The following OR1E1 variants were observed in gnomAD, a reference collection of about 807,000 sequenced individuals.
The protein encoded by OR1E1 is olfactory receptor family 1 subfamily E member 1, also known as olfactory receptor 1E1.
For missense variants in OR1E1, 330 were observed against 381.0 expected (o/e 0.87, Z 1.11); for synonymous variants, 125 against 153.1 (o/e 0.82, Z 1.36).
Position 3,397,627 on chromosome 17 carries a change from A to G in OR1E1, c.784T>C (p.Ser262Pro), listed in dbSNP as rs379856. 3.3e-5 allele frequency: 54 copies of G among 1,613,842 alleles called. No individual in the cohort carries two copies. The highest frequency in any genetic ancestry group is 1.6e-4 in the Middle Eastern group (1 of 6,082). Residue 262 changes from serine to proline, a missense_variant, in exon 1 of 1, where the codon TCA (serine) becomes CCA (proline). Physicochemically the swap from Ser to Pro is moderately conservative, Grantham distance 74. Coordinates refer to ENST00000322608, the MANE Select transcript of OR1E1 (RefSeq NM_003553.3). ...TTTAGAGTAGAACTATTAGCTGATG[A>G]GCATAAGTAGAGACCAATAACGGTT... is the stretch of plus-strand genomic sequence containing the variant. ...YGTVIGLYLC[S>P]SANSSTLKDT...
Position 3,397,783 on chromosome 17 carries a change from G to A in OR1E1, c.628C>T (p.Pro210Ser). ...TAGGACCCAAGGATGAGTAGGAATG[G>A]GATGACAAGAATGAGCCCTCCCATG... ...FIMGGLILVI[P>S]FLLILGSYAR... The change falls in exon 1 of 1, where the codon CCA becomes TCA. Residue 210 changes from proline (P) to serine (S), a missense_variant. Pro to Ser is a moderately conservative substitution (Grantham distance 74). Transcript: ENST00000322608. 2 of 1,613,964 alleles carry A rather than the reference G, an allele frequency of 1.2e-6. No individual in the cohort carries two copies. The highest frequency in any genetic ancestry group is 1.1e-5 in the South Asian group (1 of 91,056).
At position 3,397,543 on chromosome 17, in the gene OR1E1, A is replaced by G; in HGVS notation, c.868T>C (p.Tyr290His). Residue 290 changes from tyrosine to histidine, a missense_variant, in exon 1 of 1, where the codon TAC (tyrosine) becomes CAC (histidine). Tyr to His is a moderately conservative substitution (Grantham distance 83, BLOSUM62 2). Coordinates refer to ENST00000322608, the MANE Select transcript of OR1E1 (RefSeq NM_003553.3). ...VVTPMLNPFI[Y>H]SLRNRDMKGA... ...TTCATGTCTCTGTTCCTCAGGCTGT[A>G]GATGAAGGGGTTCAGCATGGGGGTC... 6.2e-7 allele frequency: 1 copy of G among 1,614,192 alleles called. No homozygotes were observed. The highest frequency in any genetic ancestry group is 8.5e-7 in the Non-Finnish European group (1 of 1,180,026).
rs2049851761 is a variant in OR1E1, at chr17:3,397,440, CTA to C, written c.*24_*25del. On this transcript the variant is annotated 3_prime_UTR_variant, in exon 1 of 1. Coordinates refer to ENST00000322608, the MANE Select transcript of OR1E1 (RefSeq NM_003553.3). ...TAATATCAATATTTTACTGGATAAA[CTA>C]TGTAATAGCTCCAAGTGTTATCATC... 1 of 1,486,036 alleles carries C rather than the reference CTA, an allele frequency of 6.7e-7. No individual in the cohort carries two copies. The highest frequency in any genetic ancestry group is 1.2e-5 in the South Asian group (1 of 84,854). The allele number at this position is 1,486,036 out of a possible 1,614,324, so 92.1% of individuals were successfully genotyped here.
Position 3,398,302 on chromosome 17 carries a change from T to C in OR1E1, c.109A>G (p.Thr37Ala). ...CYALFLAMYL[T>A]TLLGNLLIIV... Reference sequence around the variant, plus strand: ...ATGAGGAGGTTCCCCAGGAGGGTGGTAAGATACATGGCCAAGAACAGGGCA... The same window carrying C: ...ATGAGGAGGTTCCCCAGGAGGGTGGCAAGATACATGGCCAAGAACAGGGCA... Residue 37 changes from threonine to alanine, a missense_variant, in exon 1 of 1, where the codon ACC (threonine) becomes GCC (alanine). Coordinates refer to ENST00000322608, the MANE Select transcript of OR1E1 (RefSeq NM_003553.3). 6.2e-7 allele frequency: 1 copy of C among 1,614,142 alleles called. No homozygotes were observed. The highest frequency in any genetic ancestry group is 8.5e-7 in the Non-Finnish European group (1 of 1,180,024).
Position 3,397,985 on chromosome 17 carries a change from G to T in OR1E1, c.426C>A (p.Leu142=), listed in dbSNP as rs144699002. 3 of 1,614,264 alleles carry T rather than the reference G, an allele frequency of 1.9e-6. No homozygotes were observed. The highest frequency in any genetic ancestry group is 1.1e-5 in the South Asian group (1 of 91,086). ...GCACCCAGGACAGCGCCACCAGGGC[G>T]AGACAGAGCATGGGGCTCATGATGG... ...YTAIMSPMLC[L]ALVALSWVLT... The change falls in exon 1 of 1, where the codon CTC becomes CTA. Residue 142 remains leucine (L), a synonymous_variant. Transcript: ENST00000322608.
chr17:3,398,298 G>A lies in OR1E1; in HGVS notation c.113C>T (p.Thr38Ile), dbSNP rs1419933813. The change falls in exon 1 of 1, where the codon ACC becomes ATC. Residue 38 changes from threonine to isoleucine, a missense_variant. Transcript: ENST00000322608. Reference protein sequence around the residue: ...YALFLAMYLTTLLGNLLIIVL... With the variant: ...YALFLAMYLTILLGNLLIIVL... ...AATGATGAGGAGGTTCCCCAGGAGG[G>A]TGGTAAGATACATGGCCAAGAACAG... 1 of 1,614,172 alleles carries A rather than the reference G, an allele frequency of 6.2e-7. No individual in the cohort carries two copies. The highest frequency in any genetic ancestry group is 1.1e-5 in the South Asian group (1 of 91,078).
chr17:3,397,876 A>AG lies in OR1E1; in HGVS notation c.534dup (p.Cys179LeufsTer2). 1 of 1,614,226 alleles carries AG rather than the reference A, an allele frequency of 6.2e-7. No individual in the cohort carries two copies. Among genetic ancestry groups the AG allele is most frequent in the Non-Finnish European group, 8.5e-7 (1 of 1,180,044 alleles). On this transcript the variant is annotated frameshift_variant, in exon 1 of 1. Transcript: ENST00000322608. LOFTEE classifies it low-confidence loss of function (END_TRUNC). ...AGCTTCAGCAGAGCAGACATATCACAGAAAAAGTGGGGGATCACATTGTCT... is the reference window on the plus strand; with the variant it reads ...AGCTTCAGCAGAGCAGACATATCACAGGAAAAAGTGGGGGATCACATTGTCT...
rs2049860649 is a variant in OR1E1, at chr17:3,398,135, G to T, written c.276C>A (p.Ile92=). The change falls in exon 1 of 1, where the codon ATC becomes ATA. Residue 92 remains isoleucine (I), a synonymous_variant. Transcript: ENST00000322608. ...TTTGGGTCAGGCAGTCCGCATAGGGGATGGATGGGTCCTGGTTCTGCATGT... is the reference window on the plus strand; with the variant it reads ...TTTGGGTCAGGCAGTCCGCATAGGGTATGGATGGGTCCTGGTTCTGCATGT... ...LQNMQNQDPS[I]PYADCLTQMY... 1.9e-6 allele frequency: 3 copies of T among 1,614,104 alleles called. No homozygotes were observed. The highest frequency in any genetic ancestry group is 1.3e-5 in the African/African-American group (1 of 74,938).
At position 3,398,228 on chromosome 17, in the gene OR1E1, C is replaced by T. The variant is rs1253704202; in HGVS notation, c.183G>A (p.Leu61=). The T allele has an allele frequency of 6.2e-7, 1 of 1,614,070 alleles. No individual in the cohort carries two copies. The highest frequency in any genetic ancestry group is 8.5e-7 in the Non-Finnish European group (1 of 1,180,046). Residue 61 remains leucine (L), a synonymous_variant, in exon 1 of 1, where the codon TTG becomes TTA. Coordinates refer to ENST00000322608, the MANE Select transcript of OR1E1 (RefSeq NM_003553.3). ...LDSHLHTPMY[L]FLSNLSFSDL... is the part of the protein sequence containing the mutation. ...CAGAGAAGGACAAGTTGCTGAGAAA[C>T]AAATACATAGGCGTGTGGAGATGGG...
Position 3,397,585 on chromosome 17 carries a change from T to C in OR1E1, c.826A>G (p.Met276Val). ...SSTLKDTVMA[M>V]MYTVVTPMLN... is the part of the protein sequence containing the mutation. ...ATGGGGGTCACCACAGTGTACATCA[T>C]AGCCATGACAGTGTCCTTTAGAGTA... The change falls in exon 1 of 1, where the codon ATG becomes GTG. Residue 276 changes from methionine to valine, a missense_variant. Transcript: ENST00000322608. 6.2e-7 allele frequency: 1 copy of C among 1,614,142 alleles called. No homozygotes were observed. The highest frequency in any genetic ancestry group is 8.5e-7 in the Non-Finnish European group (1 of 1,180,034).
rs267604823 is a variant in OR1E1 at position 3,398,279 on chromosome 17, G to A, written c.132C>T (p.Leu44=). ...MYLTTLLGNL[L]IIVLIRLDSH... is the part of the protein sequence containing the mutation. ...AGTCCAGTCGAATGAGGACAATGAT[G>A]AGGAGGTTCCCCAGGAGGGTGGTAA... Residue 44 remains leucine (L), a synonymous_variant, in exon 1 of 1, where the codon CTC becomes CTT. Coordinates refer to ENST00000322608, the MANE Select transcript of OR1E1 (RefSeq NM_003553.3). The A allele has an allele frequency of 6.2e-7, 1 of 1,614,068 alleles. No homozygotes were observed.
Position 3,397,716 on chromosome 17 carries a change from T to G in OR1E1, c.695A>C (p.Lys232Thr), listed in dbSNP as rs2049855080. ...VSSILKVPSS[K>T]GICKAFSTCG... ...AGTAGAGAAGGCCTTGCAGATACCC[T>G]TAGAAGAAGGGACCTTGAGGATGGA... Residue 232 changes from lysine (K) to threonine (T), a missense_variant, in exon 1 of 1, where the codon AAG becomes ACG. Coordinates refer to ENST00000322608, the MANE Select transcript of OR1E1 (RefSeq NM_003553.3). 6.2e-7 allele frequency: 1 copy of G among 1,613,828 alleles called. No individual in the cohort carries two copies. The highest frequency in any genetic ancestry group is 1.3e-5 in the African/African-American group (1 of 74,978).
In OR1E1 at chr17:3,398,026, G is replaced by A. The variant is rs1367058815; in HGVS notation, c.385C>T (p.Pro129Ser). The A allele has an allele frequency of 6.2e-7, 1 of 1,614,222 alleles. No homozygotes were observed. Among genetic ancestry groups the A allele is most frequent in the South Asian group, 1.1e-5 (1 of 91,086 alleles). Residue 129 changes from proline (P) to serine (S), a missense_variant, in exon 1 of 1, where the codon CCC becomes TCC. Transcript: ENST00000322608. ...AYDRYVAICF[P>S]LHYTAIMSPM... The stretch of plus-strand genomic sequence containing the variant: ...CTCATGATGGCGGTGTAGTGCAGGG[G>A]GAAGCAGATGGCCACATAGCGGTCA...
chr17:3,398,236 T>C lies in OR1E1; in HGVS notation c.175A>G (p.Met59Val), dbSNP rs147287935. Residue 59 changes from methionine (M) to valine (V), a missense_variant, in exon 1 of 1, where the codon ATG becomes GTG. Transcript: ENST00000322608. ...IRLDSHLHTP[M>V]YLFLSNLSFS... ...GACAAGTTGCTGAGAAACAAATACA[T>C]AGGCGTGTGGAGATGGGAGTCCAGT... The C allele has an allele frequency of 3.8e-4, 606 of 1,614,032 alleles. No homozygotes were observed. Among genetic ancestry groups the C allele is most frequent in the Non-Finnish European group, 4.9e-4 (574 of 1,180,012 alleles).
At position 3,398,143 on chromosome 17, in the gene OR1E1, G is replaced by T; in HGVS notation, c.268C>A (p.Pro90Thr). 1 of 1,614,208 alleles carries T rather than the reference G, an allele frequency of 6.2e-7. No homozygotes were observed. Among genetic ancestry groups the T allele is most frequent in the Non-Finnish European group, 8.5e-7 (1 of 1,180,040 alleles). Reference sequence around the variant, plus strand: ...AGGCAGTCCGCATAGGGGATGGATGGGTCCTGGTTCTGCATGTTCTGTAAC... The same window carrying T: ...AGGCAGTCCGCATAGGGGATGGATGTGTCCTGGTTCTGCATGTTCTGTAAC... ...KLLQNMQNQD[P>T]SIPYADCLTQ... The change falls in exon 1 of 1, where the codon CCA (proline) becomes ACA (threonine). Residue 90 changes from proline (P) to threonine (T), a missense_variant. Transcript: ENST00000322608.
rs1046893004 is a variant in OR1E1, at chr17:3,397,341, T to G, written c.*125A>C. On this transcript the variant is annotated 3_prime_UTR_variant, in exon 1 of 1. Transcript: ENST00000322608. ...TCAGCTATGCTTCATCTCCACTACA[T>G]ATTGAAAAATTATGTACGATGCCAT... is the stretch of plus-strand genomic sequence containing the variant. The G allele has an allele frequency of 1.3e-6, 1 of 785,160 alleles. No homozygotes were observed. Among genetic ancestry groups the G allele is most frequent in the South Asian group, 2.0e-5 (1 of 50,564 alleles). The allele number at this position is 785,160 out of a possible 1,614,324, so 48.6% of individuals were successfully genotyped here.
rs2049864085 is a variant in OR1E1, at chr17:3,398,397, T to C, written c.14A>G (p.Asn5Ser). 6.2e-7 allele frequency: 1 copy of C among 1,607,256 alleles called. No homozygotes were observed. Among genetic ancestry groups the C allele is most frequent in the Non-Finnish European group, 8.5e-7 (1 of 1,174,748 alleles). The change falls in exon 1 of 1, where the codon AAT becomes AGT. Residue 5 changes from asparagine to serine, a missense_variant. Coordinates refer to ENST00000322608, the MANE Select transcript of OR1E1 (RefSeq NM_003553.3). Reference sequence around the variant, plus strand: ...CAGGAAGTCTGAGATGCTGGTTTGATTTTGTCCCATCATGCTCTGTCTCCA... The same window carrying C: ...CAGGAAGTCTGAGATGCTGGTTTGACTTTGTCCCATCATGCTCTGTCTCCA... The part of the protein sequence containing the change: MMGQ[N>S]QTSISDFLLL...
In OR1E1 at chr17:3,397,390, A is replaced by T. The variant is rs369810300; in HGVS notation, c.*76T>A. 534 of 1,116,700 alleles carry T rather than the reference A, an allele frequency of 4.8e-4. 9 individuals are homozygous for T. In the South Asian group the frequency reaches 8.5e-3, roughly 18 times the overall value. 69.2% of individuals were successfully genotyped at this position (1,116,700 alleles called of 1,614,324 possible). On this transcript the variant is annotated 3_prime_UTR_variant, in exon 1 of 1. Coordinates refer to ENST00000322608, the MANE Select transcript of OR1E1 (RefSeq NM_003553.3). ...ATTTCAACAAAAGGATGGTGAGGAA[A>T]TAATTTAGAATAATATTCCAATATT...
rs757074095 is a variant in OR1E1 at position 3,397,427 on chromosome 17, T to G, written c.*39A>C. 7.2e-7 allele frequency: 1 copy of G among 1,385,438 alleles called. No individual in the cohort carries two copies. Among genetic ancestry groups the G allele is most frequent in the Non-Finnish European group, 1.0e-6 (1 of 1,001,362 alleles). 85.8% of individuals were successfully genotyped at this position (1,385,438 alleles called of 1,614,324 possible). ...AATATTCCAATATTAATATCAATAT[T>G]TTACTGGATAAACTATGTAATAGCT... On this transcript the variant is annotated 3_prime_UTR_variant, in exon 1 of 1. Transcript: ENST00000322608.
Sources: gnomAD v4.1 joint callset for allele counts on GRCh38, gnomAD v4.1.1 for gene constraint, MANE v1.5 for transcripts, NCBI Gene and HGNC (gene_info 2026-07-23, HGNC 2026-07-21) for gene names.